ARHGEF4: variants seen among roughly 807,000 people sequenced by gnomAD.
The protein encoded by ARHGEF4 is Rho guanine nucleotide exchange factor 4, also known as APC-stimulated guanine nucleotide exchange factor 1.
Under a neutral mutation model 162.0 loss-of-function variants are expected in ARHGEF4, and 119 were observed. The ratio of observed to expected loss-of-function variants is 0.73; its 90% CI spans 0.63 to 0.86. The LOEUF (loss-of-function observed/expected upper bound fraction) is 0.86, where lower values mean the gene tolerates loss of function less well. Ranked by LOEUF, ARHGEF4 falls within the 40% of genes least tolerant of loss-of-function variation. ARHGEF4 has a pLI of 0.00. For synonymous variants in ARHGEF4, 1,014 were observed against 979.9 expected (o/e 1.03, Z -0.65); for missense variants, 2,488 against 2,456.0 (o/e 1.01, Z -0.28).
At chr2:130,898,504 T>G (rs773138737) in intron 1 of ARHGEF4, among the ~76,000 whole-genome samples, 19 of 152,066 alleles carry the variant, frequency 1.2e-4, no homozygotes, top group Non-Finnish European at 2.5e-4. Context: ...ACGAGTAAAT[T>G]TTACAGTGTA....
At chr2:130,919,875 C>CAA (rs199503484) in intron 2 of ARHGEF4, among the ~76,000 whole-genome samples, 15 of 138,822 alleles carry the variant, frequency 1.1e-4, no homozygotes, top group African/African-American at 3.1e-4. Context: ...GACTCCCTCT[C>CAA]AAAAAAAAAA....
intron 1 of ARHGEF4, among the ~76,000 whole-genome samples, chr2:130,879,759 G>A (rs753764572): frequency 1.3e-5 from 2 of 151,842 alleles, no homozygotes; most frequent in Non-Finnish European, 2.9e-5. Context: ...CAAATGACAG[G>A]ATTTTCTTCT....
At chr2:130,870,167 T>G (rs1678367136) in intron 1 of ARHGEF4, among the ~76,000 whole-genome samples, 1 of 152,168 alleles carries the variant, frequency 6.6e-6, no homozygotes, top group Admixed American at 6.5e-5. Flanking sequence ...GCCCACTGTT[T>G]CTTCCATGGG....
chr2:130,886,239 G>C lies in ARHGEF4; in HGVS notation c.40-27747G>C, dbSNP rs1367625176. Among the ~76,000 whole-genome samples, 3 of 151,548 alleles carry C rather than the reference G, an allele frequency of 2.0e-5. 1 individual carries two copies. The highest frequency in any genetic ancestry group is 4.4e-5 in the Non-Finnish European group (3 of 67,930). On this transcript the variant is annotated intron_variant, in intron 1 of 13. Transcript: ENST00000409359. ...TTTGATTTGATGATGCTTTGTTTTAGATTTCTGTATCTGATGAGATTAGTC... is the reference window on the plus strand; with the variant it reads ...TTTGATTTGATGATGCTTTGTTTTACATTTCTGTATCTGATGAGATTAGTC...
At position 131,040,472 on chromosome 2, in the gene ARHGEF4, C is replaced by A. The variant is rs200228404; in HGVS notation, c.4662+32C>A. 5.9e-3 allele frequency: 8,959 copies of A among 1,511,980 alleles called. 42 individuals carry two copies. The highest frequency in any genetic ancestry group is 7.4e-3 in the Non-Finnish European group (8,323 of 1,128,446). The allele number at this position is 1,511,980 out of a possible 1,614,324, so 93.7% of individuals were successfully genotyped here. A position where few individuals can be genotyped will look rare whatever the true frequency, so the allele number is the denominator to read the frequency against. The stretch of plus-strand genomic sequence containing the variant: ...GCGCGGCCCCCGGCCCCTACCTGGG[C>A]GCTGCGTTCACAGAGGCTGCCGCGG... On this transcript the variant is annotated intron_variant, in intron 8 of 13. Coordinates refer to ENST00000409359, the MANE Select transcript of ARHGEF4 (RefSeq NM_001367493.1).
chr2:130,850,295 C>T (rs1051722511), intron 1 of ARHGEF4, among the ~76,000 whole-genome samples: 1 of 152,206 alleles, frequency 6.6e-6, no homozygotes, highest in Non-Finnish European at 1.5e-5. Context: ...CCTGCTGTGT[C>T]CCTGGTACCC....
intron 5 of ARHGEF4, among the ~76,000 whole-genome samples, chr2:131,032,828 TTTCTTTTC>T (rs1689943290): frequency 2.1e-5 from 3 of 143,146 alleles, no homozygotes; most frequent in African/African-American, 8.7e-5. Flanking sequence ...CAAGCTTTCT[TTTCTTTTC>T]TTTTCTTTTT....
At chr2:130,970,448 G>A (rs1029170253) in intron 4 of ARHGEF4, among the ~76,000 whole-genome samples, 3 of 152,066 alleles carry the variant, frequency 2.0e-5, no homozygotes, top group Non-Finnish European at 4.4e-5. Context: ...AATTAGCCGG[G>A]CATGGTGGTG....
chr2:130,854,200 T>C (rs1171911943), intron 1 of ARHGEF4, among the ~76,000 whole-genome samples: 4 of 152,164 alleles, frequency 2.6e-5, no homozygotes, highest in Non-Finnish European at 5.9e-5. Flanking sequence ...TAAGGAACAT[T>C]CAAGTGTTAA....
rs1691269146 is a variant in ARHGEF4 at position 131,046,418 on chromosome 2, C to T, written c.*229C>T. The T allele has an allele frequency of 3.7e-6, 2 of 547,214 alleles. No homozygotes were observed. Among genetic ancestry groups the T allele is most frequent in the Non-Finnish European group, 6.5e-6 (2 of 308,758 alleles). 33.9% of individuals were successfully genotyped at this position (547,214 alleles called of 1,614,324 possible). ...GGGGGCAGACCCCGCACTCGCCACACCGCCGCTGCAGCTTGGGCCCCATCC... is the reference window on the plus strand; with the variant it reads ...GGGGGCAGACCCCGCACTCGCCACATCGCCGCTGCAGCTTGGGCCCCATCC... On this transcript the variant is annotated 3_prime_UTR_variant, in exon 14 of 14. Coordinates refer to ENST00000409359, the MANE Select transcript of ARHGEF4 (RefSeq NM_001367493.1).
At position 130,915,872 on chromosome 2, in the gene ARHGEF4, G is replaced by C; in HGVS notation, c.1926G>C (p.Gln642His). ...TAGCTGTGGAGCAGAAAGGTCTTCAGGCCAGCAGGAGCAATGCGGGGCCTG... is the reference window on the plus strand; with the variant it reads ...TAGCTGTGGAGCAGAAAGGTCTTCACGCCAGCAGGAGCAATGCGGGGCCTG... ...IIVAVEQKGL[Q>H]ASRSNAGPVP... is the part of the protein sequence containing the mutation. The change falls in exon 2 of 14, where the codon CAG becomes CAC. Residue 642 changes from glutamine (Q) to histidine (H), a missense_variant. Gln to His is a conservative substitution (Grantham distance 24). This residue lies in a region of ARHGEF4 where 1,642 missense variants were observed against 1,481.5 expected (regional missense o/e 1.11). Transcript: ENST00000409359. The C allele has an allele frequency of 1.9e-6, 3 of 1,548,440 alleles. No homozygotes were observed. In the South Asian group the frequency reaches 3.6e-5, roughly 19 times the overall value.
chr2:131,019,997 C>T (rs1689010718), intron 4 of ARHGEF4, among the ~76,000 whole-genome samples: 1 of 152,180 alleles, frequency 6.6e-6, no homozygotes, highest in African/African-American at 2.4e-5. Flanking sequence ...TCAGATTACT[C>T]ATTGCAAATA....
intron 4 of ARHGEF4, among the ~76,000 whole-genome samples, chr2:130,947,389 G>A (rs1021950195): frequency 4.6e-5 from 7 of 152,012 alleles, no homozygotes; most frequent in South Asian, 2.1e-4. Context: ...GTGATACTCC[G>A]TCTCAAGAAA....
intron 3 of ARHGEF4, among the ~76,000 whole-genome samples, chr2:130,936,424 A>ATAGCAGTT (rs1458772978): frequency 8.5e-5 from 13 of 152,160 alleles, no homozygotes; most frequent in Admixed American, 1.3e-4. Flanking sequence ...CTTTGTCTTT[A>ATAGCAGTT]TAGCAGTTTT....
intron 1 of ARHGEF4, among the ~76,000 whole-genome samples, chr2:130,870,534 A>C (rs1294117755): frequency 6.6e-6 from 1 of 152,050 alleles, no homozygotes; most frequent in Non-Finnish European, 1.5e-5. Context: ...ATTTTCCTGC[A>C]CCCAATCTCA....
At chr2:130,962,333 G>A (rs1278246824) in intron 4 of ARHGEF4, among the ~76,000 whole-genome samples, 1 of 151,948 alleles carries the variant, frequency 6.6e-6, no homozygotes, top group Non-Finnish European at 1.5e-5. Context: ...ACTGAGGAGG[G>A]GGCTTTGATG....
intron 4 of ARHGEF4, among the ~76,000 whole-genome samples, chr2:130,989,523 A>C (rs1406915568): frequency 6.6e-6 from 1 of 152,244 alleles, no homozygotes; most frequent in Admixed American, 6.5e-5. Flanking sequence ...TTAGCATTGC[A>C]CATGACTATG....
intron 10 of ARHGEF4, among the ~76,000 whole-genome samples, chr2:131,042,833 TAA>T (rs1690920769): frequency 6.6e-6 from 1 of 152,182 alleles, no homozygotes; most frequent in Non-Finnish European, 1.5e-5. Context: ...GGGCTTAGTC[TAA>T]AAGTATGAAG....
chr2:130,871,384 A>G (rs893078819), intron 1 of ARHGEF4, among the ~76,000 whole-genome samples: 2 of 151,922 alleles, frequency 1.3e-5, no homozygotes, highest in Non-Finnish European at 1.5e-5. Context: ...AAAAATACAA[A>G]AATTAGCCAG....
Sources: allele counts gnomAD v4.1 joint callset (sites outside exome capture counted in the v4.1 genomes callset), GRCh38; gene constraint gnomAD v4.1.1; regional missense constraint gnomAD v4.1.1; transcripts MANE v1.5; gene names NCBI Gene and HGNC (gene_info 2026-07-23, HGNC 2026-07-21).